CACNA1C: variants seen among roughly 807,000 people sequenced by gnomAD.
CACNA1C encodes the protein calcium voltage-gated channel subunit alpha1 C.
CACNA1C carries 30 observed loss-of-function variants against 229.0 expected under a neutral mutation model. The ratio of observed to expected loss-of-function variants is 0.13; its 90% CI spans 0.10 to 0.18. The LOEUF is 0.18. CACNA1C is among the 10% of genes least tolerant of loss of function. CACNA1C has a pLI of 1.00. For synonymous variants in CACNA1C, 1,114 were observed against 1,132.5 expected, an observed-to-expected ratio of 0.98 and a Z score of 0.33; for missense variants, 1,658 against 2,845.0, an observed-to-expected ratio of 0.58 and a Z score of 9.49.
At chr12:2,360,151 A>ACCTCACC (rs2097516466) in intron 3 of CACNA1C, among the ~76,000 whole-genome samples, 5 of 67,600 alleles carry the variant, frequency 7.4e-5, no homozygotes, top group African/African-American at 1.3e-4. Flanking sequence ...ACACAAACAC[A>ACCTCACC]CCCCACCCCC....
chr12:2,180,760 TTAAAG>T (rs2096815087), intron 3 of CACNA1C, among the ~76,000 whole-genome samples: 1 of 152,182 alleles, frequency 6.6e-6, no homozygotes, highest in Non-Finnish European at 1.5e-5. Context: ...GTTTAATCTC[TTAAAG>T]TATAGTTTTT....
intron 13 of CACNA1C, 85 bp from the exon 14 acceptor site, chr12:2,581,505 C>A: frequency 1.6e-6 from 2 of 1,234,578 alleles, no homozygotes; most frequent in Non-Finnish European, 1.1e-6. Flanking sequence ...CCTCTGAGAA[C>A]CTGCAGTGGG....
At position 2,346,114 on chromosome 12, in the gene CACNA1C, G is replaced by C. The variant is rs1193785895; in HGVS notation, c.478-102862G>C. Among the ~76,000 whole-genome samples the C allele has an allele frequency of 6.6e-6, 1 of 152,164 alleles. No homozygotes were observed. Among genetic ancestry groups the C allele is most frequent in the Non-Finnish European group, 1.5e-5 (1 of 68,014 alleles). ...CGCTGAAGCTCCCCAGGTGCACCAG[G>C]AGCCTTCCCAAGACCTGGATCCGCT... On this transcript the variant is annotated intron_variant, in intron 3 of 46. Transcript: ENST00000399655. The surrounding 1 kb of genome is among the most constrained non-coding windows in gnomAD (Gnocchi z 4.4).
chr12:2,686,392 C>A, intron 45 of CACNA1C, 123 bp downstream of exon 45: 1 of 822,166 alleles, frequency 1.2e-6, no homozygotes, highest in Non-Finnish European at 2.2e-6. Flanking sequence ...GCACGTCCTG[C>A]CCCTGCCCTA....
chr12:2,228,340 T>TA (rs2063646751), intron 3 of CACNA1C, among the ~76,000 whole-genome samples: 1 of 152,188 alleles, frequency 6.6e-6, no homozygotes, highest in South Asian at 2.1e-4. Flanking sequence ...AGTAGGTACT[T>TA]CTTTATCTTA....
At chr12:2,025,877 A>G (rs1017600453) in intron 1 of CACNA1C, among the ~76,000 whole-genome samples, 1 of 152,230 alleles carries the variant, frequency 6.6e-6, no homozygotes, top group East Asian at 1.9e-4. Context: ...AGGATTTGCT[A>G]GGCACAGAGC....
intron 3 of CACNA1C, among the ~76,000 whole-genome samples, chr12:2,199,106 G>C (rs1027569343): frequency 1.3e-5 from 2 of 152,046 alleles, no homozygotes; most frequent in African/African-American, 4.8e-5. Context: ...CCTGATCTCT[G>C]TCTTGCTGCC....
In CACNA1C at chr12:2,648,355, A is replaced by C. The variant is rs1452226412; in HGVS notation, c.3913-120A>C. 5.4e-6 allele frequency: 5 copies of C among 922,184 alleles called. No individual in the cohort carries two copies. In the African/African-American group the frequency reaches 6.5e-5, roughly 12 times the overall value. The allele number at this position is 922,184 out of a possible 1,614,324, so 57.1% of individuals were successfully genotyped here. A position where few individuals can be genotyped will look rare whatever the true frequency, so the allele number is the denominator to read the frequency against. On this transcript the variant is annotated intron_variant, in intron 30 of 46. Coordinates refer to ENST00000399655, the MANE Select transcript of CACNA1C (RefSeq NM_000719.7). ...AGGCCTACGCTTTCACGTTTCTTTC[A>C]CTTGTTTCCTTTTGCCCTCTTCTGC...
intron 3 of CACNA1C, among the ~76,000 whole-genome samples, chr12:2,312,852 C>T (rs2095507283): frequency 6.6e-6 from 1 of 152,206 alleles, no homozygotes; most frequent in South Asian, 2.1e-4. Context: ...GCAAGGGCTC[C>T]CCAGTCCTGA....
Position 2,655,127 on chromosome 12 carries a change from C to T in CACNA1C, c.4141-20C>T, listed in dbSNP as rs934540211. ...TATCTGTCCACAAATCACTGAACACCTCTTCCTTCTCTCTCCTAGGTGTTT... is the reference window on the plus strand; with the variant it reads ...TATCTGTCCACAAATCACTGAACACTTCTTCCTTCTCTCTCCTAGGTGTTT... On this transcript the variant is annotated intron_variant, in intron 33 of 46. Transcript: ENST00000399655. 6.1e-6 allele frequency: 9 copies of T among 1,476,886 alleles called. No homozygotes were observed. The highest frequency in any genetic ancestry group is 8.5e-6 in the Non-Finnish European group (9 of 1,055,958). 91.5% of individuals were successfully genotyped at this position (1,476,886 alleles called of 1,614,324 possible).
intron 3 of CACNA1C, among the ~76,000 whole-genome samples, chr12:2,188,740 T>C (rs933688220): frequency 1.3e-5 from 2 of 152,146 alleles, no homozygotes; most frequent in Non-Finnish European, 2.9e-5. Flanking sequence ...CTGAGAAATG[T>C]GGAAAATTTC....
chr12:2,634,237 G>C, intron 29 of CACNA1C, 60 bp from the exon 30 acceptor site: 6 of 181,924 alleles, frequency 3.3e-5, no homozygotes, highest in Non-Finnish European at 5.1e-5. Flanking sequence ...CTTTTGTTTT[G>C]TTTTGTCCTT....
At chr12:2,416,696 G>A (rs1380669153) in intron 3 of CACNA1C, among the ~76,000 whole-genome samples, 3 of 152,206 alleles carry the variant, frequency 2.0e-5, no homozygotes, top group Admixed American at 1.3e-4. Context: ...CCATGCCAGG[G>A]AACGTCTCCA....
chr12:2,440,429 C>G (rs557806563), intron 3 of CACNA1C, among the ~76,000 whole-genome samples: 3 of 152,320 alleles, frequency 2.0e-5, no homozygotes, highest in Non-Finnish European at 4.4e-5. Flanking sequence ...TTTCACGGCT[C>G]GTCCATGCTG....
At chr12:2,541,147 C>T (rs2099869124) in intron 9 of CACNA1C, among the ~76,000 whole-genome samples, 1 of 152,124 alleles carries the variant, frequency 6.6e-6, no homozygotes, top group Non-Finnish European at 1.5e-5. Context: ...AATCTAATGA[C>T]CTCTTTCAAG....
At chr12:2,120,656 CTGTGTGTGTGTGTGTGTGTG>C (rs112680750) in intron 3 of CACNA1C, among the ~76,000 whole-genome samples, 2 of 139,778 alleles carry the variant, frequency 1.4e-5, no homozygotes, top group African/African-American at 5.4e-5. Flanking sequence ...GTGGTGAGCT[CTGTGTGTGTGTGTGTGTGTG>C]TGTGTGTGTG....
chr12:2,688,086 G>T (rs1034092416), intron 45 of CACNA1C, among the ~76,000 whole-genome samples: 1 of 152,160 alleles, frequency 6.6e-6, no homozygotes, highest in Admixed American at 6.5e-5. Flanking sequence ...CAGACATGCA[G>T]GCCTCACCCT....
chr12:2,053,780 G>C lies in CACNA1C; in HGVS notation c.49+169G>C, dbSNP rs1172588885. On this transcript the variant is annotated intron_variant, in intron 1 of 46. Transcript: ENST00000399655. The surrounding 1 kb of genome is among the most constrained non-coding windows in gnomAD (Gnocchi z 5.8). Reference sequence around the variant, plus strand: ...GAGCGCCCGGGAGCCCGGCGGGACCGGGGCCCGAACCGCCGCGCGAGACGG... The same window carrying C: ...GAGCGCCCGGGAGCCCGGCGGGACCCGGGCCCGAACCGCCGCGCGAGACGG... Among the ~76,000 whole-genome samples the C allele has an allele frequency of 1.3e-5, 2 of 150,630 alleles. No individual in the cohort carries two copies. Among genetic ancestry groups the C allele is most frequent in the South Asian group, 2.1e-4 (1 of 4,824 alleles).
chr12:2,429,649 G>A (rs2099064231), intron 3 of CACNA1C, among the ~76,000 whole-genome samples: 1 of 152,192 alleles, frequency 6.6e-6, no homozygotes, highest in African/African-American at 2.4e-5. Flanking sequence ...ATGGTGGATG[G>A]TACCATGCTT....
Sources: allele counts gnomAD v4.1 joint callset (sites outside exome capture counted in the v4.1 genomes callset), GRCh38; gene constraint gnomAD v4.1.1; non-coding constraint Gnocchi (gnomAD v3.1); transcripts MANE v1.5; gene names NCBI Gene and HGNC (gene_info 2026-07-23, HGNC 2026-07-21).